ABCB7: variants seen among roughly 807,000 people sequenced by gnomAD.
ABCB7 encodes ATP binding cassette subfamily B member 7, also known as iron-sulfur clusters transporter ABCB7, mitochondrial.
ABCB7 carries 7 observed loss-of-function variants against 54.4 expected under a neutral mutation model. The observed-to-expected ratio is 0.13, with a 90% CI of 0.07 to 0.24. The LOEUF is 0.24. Ranked by LOEUF, ABCB7 falls within the 10% of genes least tolerant of loss-of-function variation. ABCB7 has a pLI of 1.00. For synonymous variants in ABCB7, 218 were observed against 207.1 expected, an observed-to-expected ratio of 1.05 and a Z score of -0.45; for missense variants, 356 against 570.4, an observed-to-expected ratio of 0.62 and a Z score of 3.83.
chrX:75,127,266 G>A (rs945702174), intron 1 of ABCB7, among the ~76,000 whole-genome samples: 4 of 111,089 alleles, frequency 3.6e-5, no homozygotes, highest in Middle Eastern at 8.4e-3. Context: ...ACGCAAATCA[G>A]TAAATGTAAT....
chrX:75,137,902 G>A (rs1358411739), intron 1 of ABCB7, among the ~76,000 whole-genome samples: 2 of 111,395 alleles, frequency 1.8e-5, no homozygotes, highest in African/African-American at 3.3e-5. Flanking sequence ...GGAGAGCATG[G>A]AACAACTATG....
At chrX:75,150,427 T>C (rs747597115) in intron 1 of ABCB7, among the ~76,000 whole-genome samples, 6 of 111,417 alleles carry the variant, frequency 5.4e-5, no homozygotes, top group African/African-American at 9.8e-5. Flanking sequence ...TATATACCTA[T>C]TAACATTACT....
intron 1 of ABCB7, among the ~76,000 whole-genome samples, chrX:75,151,851 C>T (rs1308066799): frequency 8.9e-6 from 1 of 111,931 alleles, no homozygotes; most frequent in Non-Finnish European, 1.9e-5. Context: ...CCTTTGCACA[C>T]CAGTTATTTC....
intron 1 of ABCB7, among the ~76,000 whole-genome samples, chrX:75,136,487 AC>A (rs1483415214): frequency 3.6e-4 from 40 of 112,013 alleles, no homozygotes; most frequent in African/African-American, 1.3e-3. Context: ...TCTGAAAAAA[AC>A]ATTCTAAAAT....
intron 3 of ABCB7, among the ~76,000 whole-genome samples, chrX:75,102,319 T>C (rs1368443970): frequency 9.0e-6 from 1 of 110,728 alleles, no homozygotes; most frequent in Non-Finnish European, 1.9e-5. Context: ...CATTGACCAA[T>C]CTCCCTCTAT....
At chrX:75,124,203 C>A (rs1439398833) in intron 1 of ABCB7, among the ~76,000 whole-genome samples, 1 of 111,155 alleles carries the variant, frequency 9.0e-6, no homozygotes, top group African/African-American at 3.3e-5. Flanking sequence ...AAATCTCCAC[C>A]AGCACCACCA....
At position 75,132,246 on chromosome X, in the gene ABCB7, C is replaced by T. The variant is rs183846912; in HGVS notation, c.169-17415G>A. Reference sequence around the variant, plus strand: ...AAAGATCCTGAGTGCTTCACTCACACATCCAGCATGCCACAGCTCTCCTAT... The same window carrying T: ...AAAGATCCTGAGTGCTTCACTCACATATCCAGCATGCCACAGCTCTCCTAT... On this transcript the variant is annotated intron_variant, in intron 1 of 15. Coordinates refer to ENST00000373394, the MANE Select transcript of ABCB7 (RefSeq NM_001271696.3). 2.8e-3 allele frequency among the ~76,000 whole-genome samples: 313 copies of T among 112,005 alleles called. 1 individual carries two copies. Among genetic ancestry groups the T allele is most frequent in the Non-Finnish European group, 4.7e-3 (248 of 53,093 alleles).
intron 1 of ABCB7, among the ~76,000 whole-genome samples, chrX:75,135,758 G>T: frequency 9.0e-6 from 1 of 111,287 alleles, no homozygotes; most frequent in Non-Finnish European, 1.9e-5. Flanking sequence ...ACACACAAAA[G>T]AATTTTGACA....
chrX:75,071,279 T>C (rs1165602150), intron 9 of ABCB7, among the ~76,000 whole-genome samples: 1 of 110,780 alleles, frequency 9.0e-6, no homozygotes, highest in African/African-American at 3.3e-5. Flanking sequence ...GAACAGGTAG[T>C]TCCAAACAGT....
chrX:75,058,518 G>A (rs762696785), intron 15 of ABCB7, among the ~76,000 whole-genome samples: 1 of 111,820 alleles, frequency 8.9e-6, no homozygotes, highest in Non-Finnish European at 1.9e-5. Flanking sequence ...AACACAGGAG[G>A]TGACAGATTA....
intron 15 of ABCB7, among the ~76,000 whole-genome samples, chrX:75,059,425 C>T (rs1451044579): frequency 9.3e-6 from 1 of 107,441 alleles, no homozygotes; most frequent in Non-Finnish European, 1.9e-5. Flanking sequence ...GAGCCGAGAT[C>T]GCGCCACTGT....
chrX:75,094,701 G>A (rs1489748505), intron 4 of ABCB7, among the ~76,000 whole-genome samples: 1 of 110,512 alleles, frequency 9.0e-6, no homozygotes, highest in Non-Finnish European at 1.9e-5. Flanking sequence ...CAACAAGAGT[G>A]AAACTCCATC....
intron 1 of ABCB7, among the ~76,000 whole-genome samples, chrX:75,137,137 G>A (rs1314664755): frequency 1.8e-5 from 2 of 112,087 alleles, no homozygotes; most frequent in African/African-American, 3.2e-5. Flanking sequence ...CTATGTATCC[G>A]ACAAAGGTCT....
chrX:75,151,794 G>A (rs953141411), intron 1 of ABCB7, among the ~76,000 whole-genome samples: 1 of 111,681 alleles, frequency 9.0e-6, no homozygotes, highest in African/African-American at 3.3e-5. Flanking sequence ...GAGCTCAGGC[G>A]GTCAAGTGTC....
At chrX:75,134,816 C>T in intron 1 of ABCB7, among the ~76,000 whole-genome samples, 1 of 111,595 alleles carries the variant, frequency 9.0e-6, no homozygotes, top group Non-Finnish European at 1.9e-5. Flanking sequence ...CTCTGAGACA[C>T]AACTAACGCA....
intron 1 of ABCB7, among the ~76,000 whole-genome samples, chrX:75,129,755 C>T (rs189193769): frequency 2.1e-4 from 23 of 109,670 alleles, no homozygotes; most frequent in Non-Finnish European, 3.6e-4. Context: ...TACCACTTTT[C>T]GTATTTTTGT....
At chrX:75,135,749 C>T (rs368577438) in intron 1 of ABCB7, among the ~76,000 whole-genome samples, 2 of 111,352 alleles carry the variant, frequency 1.8e-5, no homozygotes, top group African/African-American at 6.5e-5. Context: ...TCTCAATAAA[C>T]ACACAAAAGA....
At chrX:75,126,763 G>A (rs186712461) in intron 1 of ABCB7, among the ~76,000 whole-genome samples, 209 of 111,735 alleles carry the variant, frequency 1.9e-3, no homozygotes, top group African/African-American at 6.1e-3. Context: ...ACTACCATCA[G>A]AGAATACTAT....
At chrX:75,069,510 G>A (rs1277986653) in intron 10 of ABCB7, 56 bp from the exon 11 acceptor site, 13 of 1,122,639 alleles carry the variant, frequency 1.2e-5, no homozygotes, top group Non-Finnish European at 1.6e-5. Context: ...GTACAGCTAC[G>A]AAGACAATTT....
Sources: gnomAD v4.1 joint callset for allele counts (sites outside exome capture counted in the v4.1 genomes callset) on GRCh38, gnomAD v4.1.1 for gene constraint, MANE v1.5 for transcripts, NCBI Gene and HGNC (gene_info 2026-07-23, HGNC 2026-07-21) for gene names.